Variants in ATXN1 observed in about 807,000 individuals in gnomAD.
The protein encoded by ATXN1 is ataxin-1.
ATXN1 carries 8 observed loss-of-function variants against 56.4 expected under a neutral mutation model. That is an observed-to-expected ratio of 0.14 (90% CI 0.08 to 0.26). The LOEUF (loss-of-function observed/expected upper bound fraction) is 0.26. ATXN1 is among the 10% of genes least tolerant of loss of function. The probability of loss-of-function intolerance (pLI) is 1.00; values close to 1 mark genes in which losing one functional copy is unlikely to be tolerated. For synonymous variants in ATXN1, 514 were observed against 494.6 expected (o/e 1.04, Z -0.52); for missense variants, 987 against 1,106.5 (o/e 0.89, Z 1.53).
rs543774199 is a variant in ATXN1 at position 16,480,970 on chromosome 6, G to A, written c.-161+5002C>T. On this transcript the variant is annotated intron_variant, in intron 6 of 7. Coordinates refer to ENST00000436367, the MANE Select transcript of ATXN1 (RefSeq NM_001128164.2). Reference sequence around the variant, plus strand: ...TGACTCCTGCAAAGACCCTGCCAAAGGTGCCCATCCCAAATAACACACCAG... The same window carrying A: ...TGACTCCTGCAAAGACCCTGCCAAAAGTGCCCATCCCAAATAACACACCAG... 1.4e-4 allele frequency among the ~76,000 whole-genome samples: 21 copies of A among 152,256 alleles called. No homozygotes were observed. The South Asian group carries it at 4.4e-3, about 32-fold the overall frequency.
intron 4 of ATXN1, among the ~76,000 whole-genome samples, chr6:16,585,514 G>C (rs1421588151): frequency 2.6e-5 from 4 of 152,102 alleles, no homozygotes; most frequent in African/African-American, 9.7e-5. Flanking sequence ...ATTTATAAAT[G>C]CCTTCAGAAT....
chr6:16,551,786 C>A (rs964762084), intron 4 of ATXN1, among the ~76,000 whole-genome samples: 8 of 152,154 alleles, frequency 5.3e-5, no homozygotes, highest in African/African-American at 1.9e-4. Flanking sequence ...GCGCTTCCAG[C>A]TGGGCATGTT....
intron 3 of ATXN1, among the ~76,000 whole-genome samples, chr6:16,651,489 A>T (rs1763891726): frequency 6.6e-6 from 1 of 151,424 alleles, no homozygotes; most frequent in Admixed American, 6.6e-5. Context: ...GGTTGCAGTA[A>T]GCTGAGATGG....
intron 3 of ATXN1, among the ~76,000 whole-genome samples, chr6:16,640,204 C>T (rs892092772): frequency 2.6e-4 from 39 of 152,132 alleles, no homozygotes; most frequent in Admixed American, 2.0e-3. Flanking sequence ...GCTGTTATAT[C>T]TGTTATGGTG....
At chr6:16,744,032 A>G (rs1760437187) in intron 2 of ATXN1, among the ~76,000 whole-genome samples, 2 of 152,228 alleles carry the variant, frequency 1.3e-5, no homozygotes, top group Non-Finnish European at 2.9e-5. Flanking sequence ...GATTTCAAAT[A>G]CTAACAAATG....
At chr6:16,608,731 C>T (rs1411498965) in intron 3 of ATXN1, among the ~76,000 whole-genome samples, 2 of 152,204 alleles carry the variant, frequency 1.3e-5, no homozygotes, top group Non-Finnish European at 2.9e-5. Flanking sequence ...CAGCGTGATA[C>T]TCCTGGGGAC....
At chr6:16,529,825 A>G (rs972658082) in intron 4 of ATXN1, among the ~76,000 whole-genome samples, 2 of 152,104 alleles carry the variant, frequency 1.3e-5, no homozygotes, top group African/African-American at 2.4e-5. Flanking sequence ...CTCCATGGTA[A>G]ATTTTTGTCG....
At chr6:16,694,239 C>CT (rs57275122) in intron 2 of ATXN1, among the ~76,000 whole-genome samples, 248 of 132,108 alleles carry the variant, frequency 1.9e-3, no homozygotes, top group Middle Eastern at 4.0e-3. Context: ...TTTGTCACTT[C>CT]TTTTTTTTTT....
At chr6:16,534,812 T>C (rs573509656) in intron 4 of ATXN1, among the ~76,000 whole-genome samples, 1 of 152,252 alleles carries the variant, frequency 6.6e-6, no homozygotes, top group Non-Finnish European at 1.5e-5. Context: ...CCTCCTCATC[T>C]GGAATAAACC....
intron 2 of ATXN1, among the ~76,000 whole-genome samples, chr6:16,723,440 A>G (rs1759785935): frequency 6.6e-6 from 1 of 152,228 alleles, no homozygotes; most frequent in Non-Finnish European, 1.5e-5. Context: ...AGCTACAATC[A>G]TTACTTAATC....
At chr6:16,591,875 T>C in intron 3 of ATXN1, among the ~76,000 whole-genome samples, 1 of 152,170 alleles carries the variant, frequency 6.6e-6, no homozygotes. Flanking sequence ...ATCCATTTTT[T>C]AGTGAAATGA....
At chr6:16,447,278 G>T (rs926945727) in intron 6 of ATXN1, among the ~76,000 whole-genome samples, 1 of 152,156 alleles carries the variant, frequency 6.6e-6, no homozygotes, top group Non-Finnish European at 1.5e-5. Context: ...ACGTTAGAGT[G>T]CAGTGGCATG....
In ATXN1 at chr6:16,310,054, A is replaced by T. The variant is rs1156837966; in HGVS notation, c.1918-3195T>A. 2.0e-5 allele frequency among the ~76,000 whole-genome samples: 3 copies of T among 147,874 alleles called. No individual in the cohort carries two copies. In the Admixed American group the frequency reaches 2.0e-4, roughly 10 times the overall value. ...TCCATCACACTCTAGACTGGGCGAC[A>T]ATAGAGAAACTCCATTAAAAAAAAA... On this transcript the variant is annotated intron_variant, in intron 7 of 7. Coordinates refer to ENST00000436367, the MANE Select transcript of ATXN1 (RefSeq NM_001128164.2).
chr6:16,407,422 A>C (rs1758707462), intron 6 of ATXN1, among the ~76,000 whole-genome samples: 1 of 152,238 alleles, frequency 6.6e-6, no homozygotes, highest in East Asian at 1.9e-4. Flanking sequence ...CATTGAAATC[A>C]CTGAGAGATG....
chr6:16,519,537 G>A (rs931461392), intron 5 of ATXN1, among the ~76,000 whole-genome samples: 1 of 152,210 alleles, frequency 6.6e-6, no homozygotes, highest in African/African-American at 2.4e-5. Context: ...CCACTGGTAG[G>A]TGTCTCCTCA....
chr6:16,320,209 C>G (rs1760615580), intron 7 of ATXN1, among the ~76,000 whole-genome samples: 1 of 152,128 alleles, frequency 6.6e-6, no homozygotes, highest in Non-Finnish European at 1.5e-5. Flanking sequence ...CGATGACTCA[C>G]AGCTCACAGA....
At chr6:16,386,241 C>T (rs940242687) in intron 6 of ATXN1, among the ~76,000 whole-genome samples, 2 of 152,170 alleles carry the variant, frequency 1.3e-5, no homozygotes, top group African/African-American at 4.8e-5. Flanking sequence ...GCCATTCTGC[C>T]CTTCCTGAGA....
At chr6:16,730,485 A>G (rs1434661084) in intron 2 of ATXN1, among the ~76,000 whole-genome samples, 2 of 118,416 alleles carry the variant, frequency 1.7e-5, no homozygotes, top group Admixed American at 8.9e-5. Flanking sequence ...GTAAAACAGT[A>G]TGTATATATA....
At chr6:16,493,312 T>C (rs1433365645) in intron 5 of ATXN1, among the ~76,000 whole-genome samples, 1 of 152,142 alleles carries the variant, frequency 6.6e-6, no homozygotes, top group South Asian at 2.1e-4. Context: ...ACAGTGAGCT[T>C]CTCACTTCCT....
Sources: gnomAD v4.1 joint callset for allele counts (sites outside exome capture counted in the v4.1 genomes callset) on GRCh38, gnomAD v4.1.1 for gene constraint, MANE v1.5 for transcripts, NCBI Gene and HGNC (gene_info 2026-07-23, HGNC 2026-07-21) for gene names.